The following GPC5 variants were observed in gnomAD, a reference collection of about 807,000 sequenced individuals.
The protein encoded by GPC5 is glypican 5.
A neutral mutation model predicts 53.9 loss-of-function variants in GPC5; 47 were observed. That is an observed-to-expected ratio of 0.87 (90% CI 0.69 to 1.11). GPC5 has a LOEUF of 1.11. Ranked by LOEUF, GPC5 falls within the 50% of genes most tolerant of loss-of-function variation. The probability of loss-of-function intolerance (pLI) is 0.00; values close to 1 mark genes in which losing one functional copy is unlikely to be tolerated. For missense variants in GPC5, 748 were observed against 713.1 expected, an observed-to-expected ratio of 1.05 and a Z score of -0.56; for synonymous variants, 286 against 263.3, an observed-to-expected ratio of 1.09 and a Z score of -0.84.
At chr13:92,801,658 G>C (rs1469556574) in intron 7 of GPC5, among the ~76,000 whole-genome samples, 1 of 151,608 alleles carries the variant, frequency 6.6e-6, no homozygotes, top group Non-Finnish European at 1.5e-5. Flanking sequence ...CTTCCAGTGG[G>C]ACAGGATGTA....
Position 91,571,845 on chromosome 13 carries a change from G to GTATATATACACATATACGTGTGTGTA in GPC5, c.326-121336_326-121335insTACACATATACGTGTGTGTATATATA, listed in dbSNP as rs762061171. Among the ~76,000 whole-genome samples, 8 of 92,562 alleles carry GTATATATACACATATACGTGTGTGTA rather than the reference G, an allele frequency of 8.6e-5. 3 individuals are homozygous for GTATATATACACATATACGTGTGTGTA. The highest frequency in any genetic ancestry group is 6.3e-4 in the African/African-American group (8 of 12,696). The allele number at this position is 92,562 out of a possible 152,430, so 60.7% of individuals were successfully genotyped here. A position where few individuals can be genotyped will look rare whatever the true frequency, so the allele number is the denominator to read the frequency against. On this transcript the variant is annotated intron_variant, in intron 2 of 7. Transcript: ENST00000377067. ...TGTATATATACACATATACTTGTGT[G>GTATATATACACATATACGTGTGTGTA]TATATACACATATACGTGTGTGTAT...
chr13:91,435,284 T>C (rs1330121205), intron 1 of GPC5, among the ~76,000 whole-genome samples: 1 of 152,192 alleles, frequency 6.6e-6, no homozygotes, highest in African/African-American at 2.4e-5. Flanking sequence ...AGGGAGTGCT[T>C]CCAGTTTTTG....
chr13:92,263,049 G>C (rs1323803445), intron 7 of GPC5, among the ~76,000 whole-genome samples: 2 of 152,068 alleles, frequency 1.3e-5, no homozygotes. Context: ...TTATGACATA[G>C]AGAGTAGCCA....
chr13:92,759,972 C>A (rs529185400), intron 7 of GPC5, among the ~76,000 whole-genome samples: 1 of 151,944 alleles, frequency 6.6e-6, no homozygotes, highest in South Asian at 2.1e-4. Flanking sequence ...TTGATATGAT[C>A]GTGTGGTTTT....
intron 7 of GPC5, among the ~76,000 whole-genome samples, chr13:92,675,062 C>T (rs1004556545): frequency 1.3e-5 from 2 of 151,906 alleles, no homozygotes; most frequent in African/African-American, 4.8e-5. Context: ...GTAAATAAAC[C>T]TATGTCAAAT....
At chr13:91,521,685 C>A (rs1283052560) in intron 2 of GPC5, among the ~76,000 whole-genome samples, 1 of 152,074 alleles carries the variant, frequency 6.6e-6, no homozygotes, top group Admixed American at 6.5e-5. Flanking sequence ...GAGAGTTTTC[C>A]CACCAACAAG....
intron 2 of GPC5, among the ~76,000 whole-genome samples, chr13:91,525,131 C>G (rs867306883): frequency 1.3e-5 from 2 of 152,132 alleles, no homozygotes; most frequent in African/African-American, 2.4e-5. Flanking sequence ...GCTTGTTCCT[C>G]TATACAAACG....
intron 6 of GPC5, among the ~76,000 whole-genome samples, chr13:91,998,522 C>A (rs1392831744): frequency 6.6e-6 from 1 of 152,138 alleles, no homozygotes; most frequent in Non-Finnish European, 1.5e-5. Context: ...TTATTGAGAT[C>A]TTTAATTTCT....
At chr13:91,628,756 AGT>A (rs2034078818) in intron 2 of GPC5, among the ~76,000 whole-genome samples, 1 of 152,120 alleles carries the variant, frequency 6.6e-6, no homozygotes, top group South Asian at 2.1e-4. Flanking sequence ...CATTTCTGTG[AGT>A]AGTGTTGTCT....
intron 4 of GPC5, among the ~76,000 whole-genome samples, chr13:91,740,537 C>A (rs560178626): frequency 6.6e-6 from 1 of 152,040 alleles, no homozygotes; most frequent in African/African-American, 2.4e-5. Flanking sequence ...ATTTTGGAGA[C>A]GTAATTGTCC....
chr13:91,874,668 G>C (rs771354954), intron 5 of GPC5, among the ~76,000 whole-genome samples: 5 of 152,156 alleles, frequency 3.3e-5, no homozygotes, highest in African/African-American at 9.7e-5. Flanking sequence ...CTGAAATACA[G>C]CTTAGGCAAG....
chr13:92,638,129 C>A (rs1484580388), intron 7 of GPC5, among the ~76,000 whole-genome samples: 1 of 151,874 alleles, frequency 6.6e-6, no homozygotes, highest in African/African-American at 2.4e-5. Flanking sequence ...TTGGATTCCC[C>A]AAAGGATAGG....
chr13:92,205,126 C>T (rs546896348), intron 7 of GPC5, among the ~76,000 whole-genome samples: 37 of 152,280 alleles, frequency 2.4e-4, no homozygotes, highest in Non-Finnish European at 5.0e-4. Context: ...GATCCGCCCA[C>T]CTCGGCCTCC....
intron 7 of GPC5, among the ~76,000 whole-genome samples, chr13:92,764,420 G>A (rs923124823): frequency 1.3e-5 from 2 of 152,218 alleles, no homozygotes; most frequent in South Asian, 2.1e-4. Context: ...AGGACATAGC[G>A]TCAGTTCCCT....
At chr13:92,163,899 A>G (rs528061011) in intron 7 of GPC5, among the ~76,000 whole-genome samples, 1 of 152,336 alleles carries the variant, frequency 6.6e-6, no homozygotes, top group South Asian at 2.1e-4. Context: ...GAGAGGCTTC[A>G]GGAAACTTAC....
intron 7 of GPC5, among the ~76,000 whole-genome samples, chr13:92,182,105 T>A (rs1186789330): frequency 6.6e-6 from 1 of 152,230 alleles, no homozygotes; most frequent in Non-Finnish European, 1.5e-5. Context: ...TTTATTTTTT[T>A]TGCCAGGGAA....
intron 7 of GPC5, among the ~76,000 whole-genome samples, chr13:92,524,820 T>C (rs1209135667): frequency 1.3e-5 from 2 of 152,108 alleles, no homozygotes; most frequent in Admixed American, 6.6e-5. Flanking sequence ...TTTTTAAATA[T>C]GAAGGTTTGC....
chr13:92,323,252 T>C (rs754757687), intron 7 of GPC5, among the ~76,000 whole-genome samples: 1 of 150,788 alleles, frequency 6.6e-6, no homozygotes, highest in Non-Finnish European at 1.5e-5. Context: ...CAAAAATATA[T>C]GTATACAAAA....
chr13:92,572,191 A>G (rs954429177), intron 7 of GPC5, among the ~76,000 whole-genome samples: 1 of 152,322 alleles, frequency 6.6e-6, no homozygotes, highest in South Asian at 2.1e-4. Context: ...TTGTTTTTGT[A>G]TAATATTGAT....
Sources: gnomAD v4.1 joint callset for allele counts (sites outside exome capture counted in the v4.1 genomes callset) on GRCh38, gnomAD v4.1.1 for gene constraint, MANE v1.5 for transcripts, NCBI Gene and HGNC (gene_info 2026-07-23, HGNC 2026-07-21) for gene names.